CKAP5: variants seen among roughly 807,000 people sequenced by gnomAD.
CKAP5 encodes the protein cytoskeleton associated protein 5.
CKAP5 carries 27 observed loss-of-function variants against 232.8 expected under a neutral mutation model. That is an observed-to-expected ratio of 0.12 (90% CI 0.09 to 0.16). The LOEUF (loss-of-function observed/expected upper bound fraction) is 0.16, where lower values mean the gene tolerates loss of function less well. CKAP5 is among the 10% of genes least tolerant of loss of function. The pLI is 1.00. For missense variants in CKAP5, 1,838 were observed against 2,424.7 expected (o/e 0.76, Z 5.08); for synonymous variants, 785 against 841.1 (o/e 0.93, Z 1.16).
chr11:46,809,660 A>G, intron 6 of CKAP5, 82 bp downstream of exon 6: 3 of 1,512,602 alleles, frequency 2.0e-6, no homozygotes, highest in Non-Finnish European at 1.8e-6. Context: ...ATCCTACAAA[A>G]TATGCCTAAT....
chr11:46,784,232 G>A (rs1247353012), intron 17 of CKAP5, among the ~76,000 whole-genome samples: 1 of 151,940 alleles, frequency 6.6e-6, no homozygotes, highest in Non-Finnish European at 1.5e-5. Context: ...GGCAGGCGTG[G>A]TGGCAGGTGC....
chr11:46,834,566 C>T (rs1433308471), intron 1 of CKAP5, among the ~76,000 whole-genome samples: 1 of 151,340 alleles, frequency 6.6e-6, no homozygotes, highest in Non-Finnish European at 1.5e-5. Context: ...CGGGTTACAG[C>T]CCTTAGGACC....
intron 25 of CKAP5, 30 bp downstream of exon 25, chr11:46,770,758 A>T (rs1388672836): frequency 6.3e-7 from 1 of 1,597,088 alleles, no homozygotes; most frequent in Non-Finnish European, 8.6e-7. Flanking sequence ...AATAGCTTTT[A>T]ACAGCAGTAG....
intron 35 of CKAP5, 101 bp from the exon 36 acceptor site, chr11:46,755,168 G>T: frequency 1.3e-6 from 1 of 760,054 alleles, no homozygotes; most frequent in Non-Finnish European, 2.0e-6. Context: ...TATTAGCAAA[G>T]TACTTCTAAA....
At chr11:46,752,185 TATATATATACACACAC>T (rs1263295628) in intron 38 of CKAP5, among the ~76,000 whole-genome samples, 12 of 68,508 alleles carry the variant, frequency 1.8e-4, no homozygotes, top group African/African-American at 5.1e-4. Context: ...TATATATATA[TATATATATACACACAC>T]ACACACACAC....
At chr11:46,792,632 G>A (rs1276063671) in intron 13 of CKAP5, among the ~76,000 whole-genome samples, 1 of 152,104 alleles carries the variant, frequency 6.6e-6, no homozygotes, top group Non-Finnish European at 1.5e-5. Flanking sequence ...CATGATAGCT[G>A]GCTCAGTGGC....
Position 46,744,202 on chromosome 11 carries a change from A to C in CKAP5, c.5920T>G (p.Ser1974Ala), listed in dbSNP as rs746265390. Residue 1974 changes from serine to alanine, a missense_variant, in exon 44 of 44, where the codon TCC (serine) becomes GCC (alanine). Ser to Ala is a moderately conservative substitution (Grantham distance 99). This residue lies in a region of CKAP5 where 579 missense variants were observed against 843.2 expected (regional missense o/e 0.69). Coordinates refer to ENST00000529230, the MANE Select transcript of CKAP5 (RefSeq NM_001008938.4). The part of the protein sequence containing the change: ...SKPAVPTVAS[S>A]TDMLHSKLSQ... ...AGTTTGCTGTGGAGCATGTCTGTGG[A>C]AGAGGCGACAGTAGGAACTGCTGGT... The C allele has an allele frequency of 5.0e-6, 8 of 1,614,116 alleles. No homozygotes were observed. The East Asian group carries it at 1.6e-4, about 31-fold the overall frequency.
chr11:46,822,908 C>T (rs905068788), intron 1 of CKAP5, among the ~76,000 whole-genome samples: 1 of 152,074 alleles, frequency 6.6e-6, no homozygotes, highest in Non-Finnish European at 1.5e-5. Context: ...TTTATGTAAA[C>T]CATGTTTTTA....
At chr11:46,807,446 C>T (rs971584862) in intron 8 of CKAP5, among the ~76,000 whole-genome samples, 21 of 152,186 alleles carry the variant, frequency 1.4e-4, no homozygotes, top group Non-Finnish European at 2.8e-4. Flanking sequence ...AAGATGTTTT[C>T]AGAGTTTGTT....
intron 1 of CKAP5, among the ~76,000 whole-genome samples, chr11:46,824,052 A>C (rs1262487679): frequency 6.6e-6 from 1 of 152,192 alleles, no homozygotes; most frequent in African/African-American, 2.4e-5. Flanking sequence ...AGATATTCTC[A>C]TTTTACACAC....
At chr11:46,838,044 T>A (rs752118055) in intron 1 of CKAP5, among the ~76,000 whole-genome samples, 2 of 152,190 alleles carry the variant, frequency 1.3e-5, no homozygotes, top group Non-Finnish European at 2.9e-5. Flanking sequence ...TCAAGGTCAA[T>A]ATTAAGTCAT....
At chr11:46,767,958 A>C (rs896410195) in intron 26 of CKAP5, among the ~76,000 whole-genome samples, 2 of 151,818 alleles carry the variant, frequency 1.3e-5, no homozygotes, top group Non-Finnish European at 2.9e-5. Context: ...GCACCCAGCT[A>C]ATTTTCTTTG....
At chr11:46,781,708 AT>A (rs990110225) in intron 18 of CKAP5, among the ~76,000 whole-genome samples, 1 of 151,960 alleles carries the variant, frequency 6.6e-6, no homozygotes, top group East Asian at 1.9e-4. Flanking sequence ...CTCAAATGTC[AT>A]TTTTTCAGGA....
chr11:46,795,663 T>C lies in CKAP5; in HGVS notation c.1581A>G (p.Ala527=), dbSNP rs769644226. The change falls in exon 13 of 44, where the codon GCA becomes GCG. Residue 527 remains alanine, a synonymous_variant. Transcript: ENST00000529230. ...LPGRTAASGA[A]GDKDTKDISA... ...AAATGTCCTTTGTGTCCTTATCTCCTGCAGCCCCTGAAGCAGCAGTCCTTC... is the reference window on the plus strand; with the variant it reads ...AAATGTCCTTTGTGTCCTTATCTCCCGCAGCCCCTGAAGCAGCAGTCCTTC... 43 of 1,614,064 alleles carry C rather than the reference T, an allele frequency of 2.7e-5. No individual in the cohort carries two copies. The Admixed American group carries it at 7.2e-4, about 27-fold the overall frequency.
chr11:46,844,153 C>CA (rs1940123730), intron 1 of CKAP5, among the ~76,000 whole-genome samples: 1 of 151,036 alleles, frequency 6.6e-6, no homozygotes, highest in Non-Finnish European at 1.5e-5. Flanking sequence ...ACCCAGGAGG[C>CA]AGAGGTTGCA....
rs1940192161 is a variant in CKAP5 at position 46,846,261 on chromosome 11, G to A, written c.-79C>T. ...CCAAGCGGCCTGCTCTAAGCCGTTT[G>A]AAACCGCTTGGGCCGCCGCACACCC... is the stretch of plus-strand genomic sequence containing the variant. On this transcript the variant is annotated 5_prime_UTR_variant, in exon 1 of 44. Transcript: ENST00000529230. 1 of 152,270 alleles carries A rather than the reference G, an allele frequency of 6.6e-6. No homozygotes were observed. The highest frequency in any genetic ancestry group is 2.4e-5 in the African/African-American group (1 of 41,388). The allele number at this position is 152,270 out of a possible 1,614,324, so 9.4% of individuals were successfully genotyped here.
chr11:46,801,092 A>C, intron 9 of CKAP5, 108 bp downstream of exon 9: 1 of 672,016 alleles, frequency 1.5e-6, no homozygotes, highest in Non-Finnish European at 2.7e-6. Context: ...TACTTTGTAC[A>C]GTATATACAC....
At chr11:46,795,922 G>A in intron 12 of CKAP5, 146 bp from the exon 13 acceptor site, 4 of 643,788 alleles carry the variant, frequency 6.2e-6, no homozygotes, top group Non-Finnish European at 1.0e-5. Context: ...CTAGCACTTT[G>A]GAAGGCCGAG....
chr11:46,806,462 C>A (rs1939158043), intron 8 of CKAP5, among the ~76,000 whole-genome samples: 1 of 152,186 alleles, frequency 6.6e-6, no homozygotes, highest in Non-Finnish European at 1.5e-5. Context: ...GCCACTGGAA[C>A]CTGACTTTCC....
Sources: allele counts gnomAD v4.1 joint callset (sites outside exome capture counted in the v4.1 genomes callset), GRCh38; gene constraint gnomAD v4.1.1; regional missense constraint gnomAD v4.1.1; transcripts MANE v1.5; gene names NCBI Gene and HGNC (gene_info 2026-07-23, HGNC 2026-07-21).